DBNDD2: variants seen among roughly 807,000 people sequenced by gnomAD.
DBNDD2 encodes dysbindin domain-containing protein 2.
DBNDD2 carries 8 observed loss-of-function variants against 14.0 expected under a neutral mutation model. The ratio of observed to expected loss-of-function variants is 0.57; its 90% confidence interval spans 0.33 to 1.03. The LOEUF (loss-of-function observed/expected upper bound fraction) is 1.03. Ranked by LOEUF, DBNDD2 falls within the 50% of genes least tolerant of loss-of-function variation. The pLI is 0.03. For missense variants in DBNDD2, 194 were observed against 206.0 expected (o/e 0.94, Z 0.36); for synonymous variants, 94 against 85.3 (o/e 1.10, Z -0.56).
Position 45,410,415 on chromosome 20 carries a change from C to T in DBNDD2, c.*275C>T. 1 of 460,106 alleles carries T rather than the reference C, an allele frequency of 2.2e-6. No individual in the cohort carries two copies. The highest frequency in any genetic ancestry group is 4.0e-6 in the Non-Finnish European group (1 of 249,438). The allele number at this position is 460,106 out of a possible 1,614,324, so 28.5% of individuals were successfully genotyped here. A position where few individuals can be genotyped will look rare whatever the true frequency, so the allele number is the denominator to read the frequency against. Reference sequence around the variant, plus strand: ...GAAGATGAGGTTGGACAAGATGCCACTGCTTTTCTTAGCACTCTTCCCTCC... The same window carrying T: ...GAAGATGAGGTTGGACAAGATGCCATTGCTTTTCTTAGCACTCTTCCCTCC... On this transcript the variant is annotated 3_prime_UTR_variant, in exon 3 of 3. Transcript: ENST00000372710.
At chr20:45,407,368 G>T (rs765046250), upstream of DBNDD2, 3 of 985,684 alleles carry the variant, frequency 3.0e-6, no homozygotes, top group African/African-American at 1.7e-5. Flanking sequence ...TGTGGCGCCC[G>T]TGGAGCTGGC....
At chr20:45,406,697 G>C, upstream of DBNDD2, 1 of 1,328,664 alleles carries the variant, frequency 7.5e-7, no homozygotes, top group Non-Finnish European at 9.6e-7. Context: ...TCGCTGGAGC[G>C]GACGGACTGA....
rs752938729 is a variant in DBNDD2 at position 45,408,940 on chromosome 20, T to A, written c.277+2T>A. ...CTCCACCAACCCCCCAGTCGTCTGG[T>A]ATGCCCCTCTGCTTTGGGGACTTCA... On this transcript the variant is annotated splice_donor_variant, in intron 2 of 2. Coordinates refer to ENST00000372710, the MANE Select transcript of DBNDD2 (RefSeq NM_001048225.4). LOFTEE classifies it high-confidence loss of function. 6.2e-7 allele frequency: 1 copy of A among 1,614,050 alleles called. No homozygotes were observed. The highest frequency in any genetic ancestry group is 8.5e-7 in the Non-Finnish European group (1 of 1,180,028).
chr20:45,406,780 A>G, upstream of DBNDD2: 2 of 1,257,212 alleles, frequency 1.6e-6, no homozygotes, highest in Non-Finnish European at 2.0e-6. Context: ...TGGACCGCGG[A>G]GGGGACCGGA....
chr20:45,408,965 A>G (rs757705651), intron 2 of DBNDD2, 27 bp downstream of exon 2: 1 of 1,614,140 alleles, frequency 6.2e-7, no homozygotes, highest in South Asian at 1.1e-5. Context: ...TGGGGACTTC[A>G]GTGCCAGTCA....
At chr20:45,406,216 T>A (rs1989356474), upstream of DBNDD2, 1 of 504,284 alleles carries the variant, frequency 2.0e-6, no homozygotes, top group South Asian at 2.6e-5. Flanking sequence ...CGCGTGTAAG[T>A]GTGGCGAGTG....
At chr20:45,407,997 G>T, upstream of DBNDD2, 1 of 1,419,776 alleles carries the variant, frequency 7.0e-7, no homozygotes, top group Non-Finnish European at 9.2e-7. Context: ...GATGGGAAGG[G>T]GTGGGCTGCA....
upstream of DBNDD2, chr20:45,408,183 G>A (rs764547008): frequency 1.2e-5 from 19 of 1,550,172 alleles, no homozygotes; most frequent in South Asian, 2.0e-4. Flanking sequence ...GGCATTGGCT[G>A]TGTTCCCTGA....
upstream of DBNDD2, chr20:45,406,194 T>G: frequency 6.5e-6 from 3 of 459,784 alleles, no homozygotes; most frequent in East Asian, 4.1e-5. Flanking sequence ...GTGCGTCCTC[T>G]GGAGAAGTGC....
upstream of DBNDD2, chr20:45,406,737 G>A: frequency 7.9e-7 from 1 of 1,271,116 alleles, no homozygotes; most frequent in African/African-American, 1.6e-5. Context: ...CTGCAGGTAG[G>A]GGCTCCGGCG....
upstream of DBNDD2, chr20:45,406,580 G>T: frequency 6.8e-7 from 1 of 1,462,630 alleles, no homozygotes; most frequent in Non-Finnish European, 9.1e-7. Flanking sequence ...TCCGCCTCCC[G>T]CCTCTTCCTC....
chr20:45,407,268 G>A (rs1347168379), upstream of DBNDD2: 2 of 974,096 alleles, frequency 2.1e-6, no homozygotes, highest in Non-Finnish European at 2.4e-6. Flanking sequence ...TCAGCGCCTC[G>A]CTCCTCCGCC....
At chr20:45,408,235 C>T, upstream of DBNDD2, 1 of 1,551,224 alleles carries the variant, frequency 6.4e-7, no homozygotes, top group Non-Finnish European at 8.7e-7. Flanking sequence ...CTGGCATCCC[C>T]TTTGTGGAGC....
rs116958048 is a variant in DBNDD2, at chr20:45,408,892, T to C, written c.231T>C (p.Asp77=). Reference sequence around the variant, plus strand: ...ACCTTGGGGACCCGGATGCAGCAGATGTGTTCTTGCCTTGCGAAGATCCTC... The same window carrying C: ...ACCTTGGGGACCCGGATGCAGCAGACGTGTTCTTGCCTTGCGAAGATCCTC... ...LIDLGDPDAA[D]VFLPCEDPPP... is the part of the protein sequence containing the mutation. Residue 77 remains aspartate, a synonymous_variant, in exon 2 of 3, where the codon GAT becomes GAC. Coordinates refer to ENST00000372710, the MANE Select transcript of DBNDD2 (RefSeq NM_001048225.4). 22 of 1,614,224 alleles carry C rather than the reference T, an allele frequency of 1.4e-5. No individual in the cohort carries two copies. Among genetic ancestry groups the C allele is most frequent in the Non-Finnish European group, 1.7e-5 (20 of 1,180,044 alleles).
upstream of DBNDD2, chr20:45,407,774 A>G: frequency 9.8e-7 from 1 of 1,020,718 alleles, no homozygotes; most frequent in Non-Finnish European, 1.2e-6. Context: ...CTTGTATTTG[A>G]GGCAGGTAGG....
chr20:45,406,805 G>A, upstream of DBNDD2: 2 of 1,232,074 alleles, frequency 1.6e-6, no homozygotes, highest in Non-Finnish European at 2.0e-6. Context: ...GAGGGGAACG[G>A]CCTTGGGGGA....
chr20:45,409,103 C>G, intron 2 of DBNDD2, 165 bp downstream of exon 2: 1 of 1,396,594 alleles, frequency 7.2e-7, no homozygotes, highest in East Asian at 2.4e-5. Flanking sequence ...GGGAAGTTGA[C>G]CCTGAGGGAG....
At position 45,409,158 on chromosome 20, in the gene DBNDD2, T is replaced by C. The variant is rs1989687810; in HGVS notation, c.277+220T>C. On this transcript the variant is annotated intron_variant, in intron 2 of 2. Coordinates refer to ENST00000372710, the MANE Select transcript of DBNDD2 (RefSeq NM_001048225.4). ...AATCCAAAATTCTGGGAACGGTCAA[T>C]CTCTTCTTTAATTTTACATTTGTTA... 1.2e-5 allele frequency: 8 copies of C among 667,012 alleles called. No individual in the cohort carries two copies. In the Admixed American group the frequency reaches 2.1e-4, roughly 18 times the overall value. 41.3% of individuals were successfully genotyped at this position (667,012 alleles called of 1,614,324 possible).
At chr20:45,407,933 G>A, upstream of DBNDD2, 2 of 1,361,684 alleles carry the variant, frequency 1.5e-6, no homozygotes, top group East Asian at 2.7e-5. Context: ...TGTGGGTGGA[G>A]AGAAAAGGAG....
Sources: allele counts gnomAD v4.1 joint callset, GRCh38; gene constraint gnomAD v4.1.1; transcripts MANE v1.5; gene names NCBI Gene and HGNC (gene_info 2026-07-23, HGNC 2026-07-21).